ESRRG: variants seen among roughly 807,000 people sequenced by gnomAD.
ESRRG encodes the protein estrogen-related receptor gamma.
ESRRG carries 13 observed loss-of-function variants against 44.0 expected under a neutral mutation model. The observed-to-expected ratio is 0.30, with a 90% CI of 0.19 to 0.47. The LOEUF (loss-of-function observed/expected upper bound fraction) is 0.47. Among genes scored for constraint, ESRRG ranks in the 20% least tolerant of loss-of-function variants. ESRRG has a pLI of 1.00. For missense variants in ESRRG, 395 were observed against 580.6 expected (o/e 0.68, Z 3.29); for synonymous variants, 215 against 214.6 (o/e 1.00, Z -0.02).
chr1:217,076,487 C>T (rs1231595721), intron 1 of ESRRG, among the ~76,000 whole-genome samples: 1 of 152,142 alleles, frequency 6.6e-6, no homozygotes, highest in East Asian at 1.9e-4. Flanking sequence ...ACCACCTCTA[C>T]CAGAGAAATG....
intron 1 of ESRRG, among the ~76,000 whole-genome samples, chr1:217,130,126 A>G (rs1052171691): frequency 6.6e-6 from 1 of 152,198 alleles, no homozygotes; most frequent in African/African-American, 2.4e-5. Context: ...AGCAGCTGAC[A>G]AGTTGTCCTT....
intron 1 of ESRRG, among the ~76,000 whole-genome samples, chr1:217,018,213 G>GTT (rs35607685): frequency 6.6e-6 from 1 of 151,530 alleles, no homozygotes; most frequent in Non-Finnish European, 1.5e-5. Flanking sequence ...TACCTCAACT[G>GTT]TTTTTTTTAA....
At chr1:216,929,070 G>C (rs1444295437) in intron 2 of ESRRG, among the ~76,000 whole-genome samples, 1 of 151,996 alleles carries the variant, frequency 6.6e-6, no homozygotes, top group Admixed American at 6.6e-5. Flanking sequence ...TGAACTGTAT[G>C]TACACTTAGA....
chr1:217,006,763 C>T (rs1362843321), intron 1 of ESRRG, among the ~76,000 whole-genome samples: 1 of 151,856 alleles, frequency 6.6e-6, no homozygotes, highest in Non-Finnish European at 1.5e-5. Flanking sequence ...TGACTGAAAC[C>T]CATTACATGA....
intron 2 of ESRRG, among the ~76,000 whole-genome samples, chr1:216,835,234 G>A (rs1290517593): frequency 1.3e-5 from 2 of 152,158 alleles, no homozygotes; most frequent in Non-Finnish European, 2.9e-5. Context: ...ACTGAGCAAT[G>A]AGTGATTCAC....
At chr1:216,531,266 T>C (rs578172415) in intron 5 of ESRRG, among the ~76,000 whole-genome samples, 3 of 152,282 alleles carry the variant, frequency 2.0e-5, no homozygotes, top group South Asian at 4.1e-4. Context: ...ATTTGTGTTC[T>C]GGACAGCATG....
intron 3 of ESRRG, among the ~76,000 whole-genome samples, chr1:216,634,417 A>G (rs928098250): frequency 1.3e-5 from 2 of 151,112 alleles, no homozygotes; most frequent in Non-Finnish European, 2.9e-5. Context: ...TTTTTTTCTC[A>G]GCTATTCACC....
intron 1 of ESRRG, among the ~76,000 whole-genome samples, chr1:217,099,064 T>G (rs1405296054): frequency 1.3e-5 from 2 of 152,234 alleles, no homozygotes; most frequent in African/African-American, 4.8e-5. Context: ...TCGTCTTCTA[T>G]GTCTGTAAGC....
At chr1:216,916,756 A>C (rs946905519) in intron 2 of ESRRG, among the ~76,000 whole-genome samples, 1 of 145,568 alleles carries the variant, frequency 6.9e-6, no homozygotes, top group Admixed American at 7.1e-5. Context: ...CCCTCCTCTC[A>C]TGAGCAAACA....
chr1:216,941,778 CA>C (rs2065264691), intron 1 of ESRRG, among the ~76,000 whole-genome samples: 1 of 152,174 alleles, frequency 6.6e-6, no homozygotes, highest in Non-Finnish European at 1.5e-5. Flanking sequence ...AGATTGTAAA[CA>C]GCCTTTAGAA....
intron 1 of ESRRG, among the ~76,000 whole-genome samples, chr1:216,698,793 C>T (rs1010688062): frequency 5.3e-5 from 8 of 152,054 alleles, no homozygotes; most frequent in Admixed American, 3.9e-4. Flanking sequence ...CGAAGAGATG[C>T]CTCTCTCCAG....
intron 1 of ESRRG, among the ~76,000 whole-genome samples, chr1:217,065,120 C>G (rs1160301414): frequency 6.6e-6 from 1 of 152,122 alleles, no homozygotes; most frequent in Non-Finnish European, 1.5e-5. Flanking sequence ...AGATAAATAG[C>G]CTAGGATATC....
At chr1:217,114,160 C>T (rs528678503) in intron 1 of ESRRG, among the ~76,000 whole-genome samples, 12 of 151,966 alleles carry the variant, frequency 7.9e-5, no homozygotes, top group Admixed American at 2.6e-4. Context: ...ATATATGAAA[C>T]TTTAAATAAG....
At chr1:216,856,118 G>A (rs547885860) in intron 2 of ESRRG, among the ~76,000 whole-genome samples, 33 of 151,060 alleles carry the variant, frequency 2.2e-4, no homozygotes, top group African/African-American at 3.2e-4. Flanking sequence ...TTTTTTTCCC[G>A]GTCTTCCCTA....
At chr1:216,615,842 A>C (rs2061360651) in intron 3 of ESRRG, among the ~76,000 whole-genome samples, 1 of 148,268 alleles carries the variant, frequency 6.7e-6, no homozygotes, top group Non-Finnish European at 1.5e-5. Context: ...CACCCACACC[A>C]CACCCAGCTA....
intron 1 of ESRRG, among the ~76,000 whole-genome samples, chr1:217,057,184 G>T (rs538934081): frequency 6.6e-6 from 1 of 152,258 alleles, no homozygotes; most frequent in South Asian, 2.1e-4. Context: ...GACCAAAGTG[G>T]TTGAGGAGAA....
intron 2 of ESRRG, among the ~76,000 whole-genome samples, chr1:216,789,707 G>A (rs1255430404): frequency 6.6e-6 from 1 of 152,148 alleles, no homozygotes; most frequent in Non-Finnish European, 1.5e-5. Context: ...TTCTGGAACT[G>A]TAGCAAGGCT....
chr1:217,021,487 G>T (rs528899595), intron 1 of ESRRG, among the ~76,000 whole-genome samples: 9 of 152,324 alleles, frequency 5.9e-5, no homozygotes, highest in African/African-American at 2.2e-4. Flanking sequence ...TGAAAAGGCA[G>T]ATATAAAATG....
rs75667019 is a variant in ESRRG, at chr1:216,984,628, C to G, written c.-105-44955G>C. Among the ~76,000 whole-genome samples, 382 of 152,286 alleles carry G rather than the reference C, an allele frequency of 2.5e-3. 4 individuals are homozygous for G. In the East Asian group the frequency reaches 0.039, roughly 15 times the overall value. On this transcript the variant is annotated intron_variant, in intron 1 of 7. Transcript: ENST00000359162. Reference sequence around the variant, plus strand: ...AACATCTGCTCAGCAAAAGCACAACCAACATTGCTGAAATCTCTAGGCTGT... The same window carrying G: ...AACATCTGCTCAGCAAAAGCACAACGAACATTGCTGAAATCTCTAGGCTGT...
Sources: allele counts gnomAD v4.1 joint callset (sites outside exome capture counted in the v4.1 genomes callset), GRCh38; gene constraint gnomAD v4.1.1; transcripts MANE v1.5; gene names NCBI Gene and HGNC (gene_info 2026-07-23, HGNC 2026-07-21).